PAPSS2: variants seen among roughly 807,000 people sequenced by gnomAD.
PAPSS2 encodes the protein bifunctional 3'-phosphoadenosine 5'-phosphosulfate synthase 2.
Under a neutral mutation model 66.5 loss-of-function variants are expected in PAPSS2, and 61 were observed. That is an observed-to-expected ratio of 0.92 (90% confidence interval 0.75 to 1.14). The LOEUF (loss-of-function observed/expected upper bound fraction) is 1.14, where lower values mean the gene tolerates loss of function less well. PAPSS2 is among the 50% of genes most tolerant of loss of function. The probability of loss-of-function intolerance (pLI) is 0.00; values close to 1 mark genes in which losing one functional copy is unlikely to be tolerated. For missense variants in PAPSS2, 708 were observed against 789.6 expected (o/e 0.90, Z 1.24); for synonymous variants, 289 against 287.5 (o/e 1.01, Z -0.05).
chr10:87,719,886 T>C (rs1853574351), intron 7 of PAPSS2, among the ~76,000 whole-genome samples: 1 of 152,092 alleles, frequency 6.6e-6, no homozygotes, highest in South Asian at 2.1e-4. Flanking sequence ...TTCTTTTTCT[T>C]ATTTTATTTT....
chr10:87,703,318 A>T (rs373817061), intron 1 of PAPSS2, among the ~76,000 whole-genome samples: 1 of 139,462 alleles, frequency 7.2e-6, no homozygotes, highest in Non-Finnish European at 1.6e-5. Flanking sequence ...TGTGTGTGTA[A>T]AACTGGTGCA....
At chr10:87,724,532 A>G (rs968241474) in intron 8 of PAPSS2, among the ~76,000 whole-genome samples, 1 of 151,324 alleles carries the variant, frequency 6.6e-6, no homozygotes, top group African/African-American at 2.4e-5. Context: ...GTGTCTATCT[A>G]TATACAGATA....
At chr10:87,686,386 A>G (rs955132095) in intron 1 of PAPSS2, among the ~76,000 whole-genome samples, 1 of 150,594 alleles carries the variant, frequency 6.6e-6, no homozygotes, top group Non-Finnish European at 1.5e-5. Flanking sequence ...ATTGGTTAAT[A>G]GAGGGGGAGG....
At chr10:87,744,439 C>T (rs1228367289) in intron 11 of PAPSS2, among the ~76,000 whole-genome samples, 1 of 152,212 alleles carries the variant, frequency 6.6e-6, no homozygotes, top group South Asian at 2.1e-4. Flanking sequence ...GGTCTCAACC[C>T]TTTGGAATGC....
chr10:87,703,933 T>A, intron 1 of PAPSS2: 1 of 496,804 alleles, frequency 2.0e-6, no homozygotes, highest in Non-Finnish European at 4.0e-6. Flanking sequence ...CTTTAACATG[T>A]GTTTTGCTTT....
chr10:87,672,248 A>G (rs1425944490), intron 1 of PAPSS2, among the ~76,000 whole-genome samples: 1 of 152,194 alleles, frequency 6.6e-6, no homozygotes, highest in African/African-American at 2.4e-5. Flanking sequence ...GCTCAGGGAT[A>G]TTGGGATGAT....
chr10:87,678,191 G>A (rs2131902049), intron 1 of PAPSS2, among the ~76,000 whole-genome samples: 1 of 152,144 alleles, frequency 6.6e-6, no homozygotes, highest in Admixed American at 6.5e-5. Flanking sequence ...CTATACACTG[G>A]GGAAAGGATA....
In PAPSS2 at chr10:87,743,534, T is replaced by C. The variant is rs1564729826; in HGVS notation, c.1384T>C (p.Trp462Arg). 1.9e-6 allele frequency: 3 copies of C among 1,614,114 alleles called. No individual in the cohort carries two copies. The highest frequency in any genetic ancestry group is 3.3e-5 in the Admixed American group (2 of 60,026). The part of the protein sequence containing the change: ...WTKDDDVPLD[W>R]RMKQHAAVLE... ...CAAGGATGACGATGTGCCTCTAGAC[T>C]GGCGGATGAAGCAGCACGCGGCTGT... The change falls in exon 11 of 13, where the codon TGG becomes CGG. Residue 462 changes from tryptophan to arginine, a missense_variant. Coordinates refer to ENST00000456849, the MANE Select transcript of PAPSS2 (RefSeq NM_001015880.2).
chr10:87,720,429 A>G lies in PAPSS2; in HGVS notation c.866-1327A>G, dbSNP rs969258885. Among the ~76,000 whole-genome samples, 8 of 152,168 alleles carry G rather than the reference A, an allele frequency of 5.3e-5. 1 individual carries two copies. The highest frequency in any genetic ancestry group is 1.5e-5 in the Non-Finnish European group (1 of 68,034). On this transcript the variant is annotated intron_variant, in intron 7 of 12. Coordinates refer to ENST00000456849, the MANE Select transcript of PAPSS2 (RefSeq NM_001015880.2). The stretch of plus-strand genomic sequence containing the variant: ...GAGGAGACAGAGTTAAATTGTAAAA[A>G]GTGATTTATTTCTATGTCAGAATGT...
chr10:87,713,360 A>G (rs749123427), intron 3 of PAPSS2, 50 bp downstream of exon 3: 5 of 1,034,314 alleles, frequency 4.8e-6, no homozygotes, highest in Non-Finnish European at 5.8e-6. Flanking sequence ...TCCCACACAC[A>G]GTGCAAGTGC....
chr10:87,702,682 G>T (rs184582084), intron 1 of PAPSS2, among the ~76,000 whole-genome samples: 1 of 152,276 alleles, frequency 6.6e-6, no homozygotes, highest in East Asian at 1.9e-4. Flanking sequence ...AAGGAGTAGG[G>T]TACAGAGGGG....
chr10:87,728,480 C>T (rs1853686851), intron 9 of PAPSS2, among the ~76,000 whole-genome samples: 1 of 152,140 alleles, frequency 6.6e-6, no homozygotes, highest in Non-Finnish European at 1.5e-5. Flanking sequence ...TGGCTCACGC[C>T]TGTAATCCCA....
intron 9 of PAPSS2, among the ~76,000 whole-genome samples, chr10:87,732,260 C>T (rs1390049252): frequency 6.6e-6 from 1 of 152,134 alleles, no homozygotes; most frequent in Non-Finnish European, 1.5e-5. Context: ...AGGCTGGGCG[C>T]GGTGGCTCAC....
chr10:87,702,111 A>G (rs1853326785), intron 1 of PAPSS2, among the ~76,000 whole-genome samples: 1 of 152,248 alleles, frequency 6.6e-6, no homozygotes, highest in Non-Finnish European at 1.5e-5. Context: ...ACTCATGTTA[A>G]GTAATGAAGA....
chr10:87,665,968 CT>C (rs11414496), intron 1 of PAPSS2, among the ~76,000 whole-genome samples: 139 of 140,686 alleles, frequency 9.9e-4, no homozygotes, highest in African/African-American at 1.1e-3. Flanking sequence ...ATTTTTTTTT[CT>C]TTTTTTTTTT....
intron 2 of PAPSS2, among the ~76,000 whole-genome samples, chr10:87,711,121 T>C (rs1853458130): frequency 6.6e-6 from 1 of 152,240 alleles, no homozygotes; most frequent in African/African-American, 2.4e-5. Context: ...CAAAATACTT[T>C]AAATCCATAG....
Position 87,727,296 on chromosome 10 carries a change from A to G in PAPSS2, c.893A>G (p.Asn298Ser). ...DGMALPDGVI[N>S]MSIPIVLPVS... The stretch of plus-strand genomic sequence containing the variant: ...GCTCTTTCCACAGATGGCGTGATCA[A>G]CATGAGCATCCCCATTGTACTGCCC... Residue 298 changes from asparagine (N) to serine (S), a missense_variant, in exon 9 of 13, where the codon AAC (asparagine) becomes AGC (serine). Coordinates refer to ENST00000456849, the MANE Select transcript of PAPSS2 (RefSeq NM_001015880.2). 6.2e-7 allele frequency: 1 copy of G among 1,613,368 alleles called. No homozygotes were observed. The highest frequency in any genetic ancestry group is 1.1e-5 in the South Asian group (1 of 91,044).
chr10:87,673,294 A>G (rs1190824849), intron 1 of PAPSS2, among the ~76,000 whole-genome samples: 1 of 152,162 alleles, frequency 6.6e-6, no homozygotes, highest in Non-Finnish European at 1.5e-5. Context: ...TATTAATTAG[A>G]ACATTCCCTT....
At chr10:87,711,021 T>C (rs1336482724) in intron 2 of PAPSS2, among the ~76,000 whole-genome samples, 2 of 152,150 alleles carry the variant, frequency 1.3e-5, no homozygotes, top group African/African-American at 4.8e-5. Flanking sequence ...AAATAAAAAA[T>C]TAAATTAAAT....
Sources: gnomAD v4.1 joint callset for allele counts (sites outside exome capture counted in the v4.1 genomes callset) on GRCh38, gnomAD v4.1.1 for gene constraint, MANE v1.5 for transcripts, NCBI Gene and HGNC (gene_info 2026-07-23, HGNC 2026-07-21) for gene names.